Variants in NCOR2 observed in about 807,000 individuals in gnomAD.
NCOR2 encodes the protein nuclear receptor corepressor 2, also known as CTG repeat protein 26.
NCOR2 carries 81 observed loss-of-function variants against 262.9 expected under a neutral mutation model. The observed-to-expected ratio is 0.31, with a 90% CI of 0.26 to 0.37. The LOEUF is 0.37. NCOR2 is among the 10% of genes least tolerant of loss of function. The probability of loss-of-function intolerance (pLI) is 1.00; values close to 1 mark genes in which losing one functional copy is unlikely to be tolerated. For synonymous variants in NCOR2, 1,659 were observed against 1,559.3 expected (o/e 1.06, Z -1.51); for missense variants, 3,385 against 3,621.4 (o/e 0.93, Z 1.68).
intron 1 of NCOR2, among the ~76,000 whole-genome samples, chr12:124,554,309 C>A (rs1269705772): frequency 6.6e-6 from 1 of 152,180 alleles, no homozygotes; most frequent in Non-Finnish European, 1.5e-5. Flanking sequence ...TCCAAGGCTC[C>A]GTGCCCTCCC....
chr12:124,379,550 G>T (rs956439567), intron 17 of NCOR2, among the ~76,000 whole-genome samples: 3 of 152,192 alleles, frequency 2.0e-5, no homozygotes, highest in African/African-American at 7.2e-5. Flanking sequence ...GACACTGGGG[G>T]GTGCCCACCA....
At chr12:124,348,031 C>T (rs1044209700) in intron 29 of NCOR2, 120 bp from the exon 32 acceptor site, 129 of 1,457,168 alleles carry the variant, frequency 8.9e-5, no homozygotes, top group Non-Finnish European at 1.2e-4. Context: ...GAGTAGGACC[C>T]AGCACGGGAA....
rs1204258133 is a variant in NCOR2 at position 124,433,845 on chromosome 12, T to TACAC, written c.883-3062_883-3059dup. 2.1e-3 allele frequency among the ~76,000 whole-genome samples: 39 copies of TACAC among 18,274 alleles called. 1 individual carries two copies. The highest frequency in any genetic ancestry group is 3.2e-3 in the African/African-American group (35 of 10,836). The allele number at this position is 18,274 out of a possible 152,430, so 12.0% of individuals were successfully genotyped here. ...CTTCCCTCCCTCCCTCTCTCTGTCT[T>TACAC]ACACACACACACACACACACACACA... On this transcript the variant is annotated intron_variant, in intron 8 of 46. Transcript: ENST00000405201.
At chr12:124,453,941 G>A (rs1315889002) in intron 6 of NCOR2, among the ~76,000 whole-genome samples, 1 of 152,238 alleles carries the variant, frequency 6.6e-6, no homozygotes, top group African/African-American at 2.4e-5. Flanking sequence ...CTGCCGAGGG[G>A]AGGGGCGTTG....
intron 8 of NCOR2, among the ~76,000 whole-genome samples, chr12:124,433,711 C>T (rs1365909854): frequency 1.3e-5 from 2 of 152,086 alleles, no homozygotes; most frequent in Admixed American, 6.5e-5. Flanking sequence ...CCTCGGACAG[C>T]GCAGGGCGGG....
rs771373344 is a variant in NCOR2, at chr12:124,332,269, C to G, written c.6904+50G>C. ...CGGCTCCAGCTGCCCAGGCAGGCCA[C>G]CCGCCCACCTGTGGCCCCATGCTTC... On this transcript the variant is annotated intron_variant, in intron 43 of 46. Transcript: ENST00000405201. 4 of 1,606,078 alleles carry G rather than the reference C, an allele frequency of 2.5e-6. No individual in the cohort carries two copies. The South Asian group carries it at 4.4e-5, about 18-fold the overall frequency.
At chr12:124,459,727 G>A (rs989244259) in intron 5 of NCOR2, among the ~76,000 whole-genome samples, 2 of 152,136 alleles carry the variant, frequency 1.3e-5, no homozygotes, top group African/African-American at 4.8e-5. Context: ...GGCATGGCTG[G>A]GGAACGTGGA....
At chr12:124,505,146 G>T (rs1002040495) in intron 1 of NCOR2, among the ~76,000 whole-genome samples, 2 of 151,990 alleles carry the variant, frequency 1.3e-5, no homozygotes, top group African/African-American at 4.8e-5. Flanking sequence ...TATTTGCCAC[G>T]TCCCCTCCTA....
intron 45 of NCOR2, 82 bp downstream of exon 47, chr12:124,327,327 T>G: frequency 9.1e-7 from 1 of 1,102,264 alleles, no homozygotes; most frequent in Non-Finnish European, 1.3e-6. Context: ...AGGAGGGGGT[T>G]GTCAGAGGAG....
At chr12:124,364,385 T>C (rs1475410142) in intron 20 of NCOR2, among the ~76,000 whole-genome samples, 2 of 152,152 alleles carry the variant, frequency 1.3e-5, no homozygotes, top group Non-Finnish European at 2.9e-5. Context: ...GTGGGGGAGC[T>C]GCACCCACTT....
chr12:124,334,553 G>C (rs1371937906), exon 41 of NCOR2: 1 of 1,416,654 alleles, frequency 7.1e-7, no homozygotes, highest in South Asian at 1.6e-5. Context: ...GGAGTAGAGG[G>C]GGGCGGGCAG....
At chr12:124,479,330 GCACACAAA>G (rs2047282687) in intron 3 of NCOR2, among the ~76,000 whole-genome samples, 1 of 150,146 alleles carries the variant, frequency 6.7e-6, no homozygotes, top group Non-Finnish European at 1.5e-5. Flanking sequence ...ACACACGTGC[GCACACAAA>G]CACACATACA....
intron 38 of NCOR2, chr12:124,335,906 G>T: frequency 2.1e-6 from 1 of 466,150 alleles, no homozygotes; most frequent in South Asian, 3.8e-5. Context: ...GGACAGAGAT[G>T]GGTTCAGGTG....
intron 1 of NCOR2, among the ~76,000 whole-genome samples, chr12:124,488,291 A>G (rs1358715785): frequency 6.6e-6 from 1 of 152,196 alleles, no homozygotes; most frequent in Admixed American, 6.5e-5. Context: ...GGACCCTGGC[A>G]GCCTCAGAAG....
chr12:124,450,442 G>A (rs994639767), intron 6 of NCOR2, among the ~76,000 whole-genome samples: 1 of 152,142 alleles, frequency 6.6e-6, no homozygotes, highest in African/African-American at 2.4e-5. Flanking sequence ...CGACGCCCCC[G>A]CTTCCGACCC....
rs139106874 is a variant in NCOR2 at position 124,492,082 on chromosome 12, G to A, written c.105+3065C>T. On this transcript the variant is annotated intron_variant, in intron 1 of 46. Coordinates refer to ENST00000405201, the Ensembl canonical transcript of NCOR2. ...GCTGGGAATCACTCACCAGCAGCCC[G>A]CAGATGACGCCAGGGCAGAGCACAG... is the stretch of plus-strand genomic sequence containing the variant. Among the ~76,000 whole-genome samples, 394 of 152,330 alleles carry A rather than the reference G, an allele frequency of 2.6e-3. 2 individuals are homozygous for A. Among genetic ancestry groups the A allele is most frequent in the African/African-American group, 8.7e-3 (360 of 41,562 alleles).
chr12:124,344,702 G>A (rs1310731588), exon 32 of NCOR2: 10 of 1,532,150 alleles, frequency 6.5e-6, no homozygotes, highest in East Asian at 2.5e-5. Flanking sequence ...GGGCTCTGCC[G>A]CGGCTTACCC....
At chr12:124,462,457 TG>T (rs1404505067) in intron 5 of NCOR2, among the ~76,000 whole-genome samples, 12 of 152,298 alleles carry the variant, frequency 7.9e-5, no homozygotes, top group African/African-American at 2.9e-4. Context: ...CAGAGCCCCA[TG>T]CCCATGAGCC....
intron 1 of NCOR2, among the ~76,000 whole-genome samples, chr12:124,563,608 G>A (rs931512727): frequency 1.4e-4 from 22 of 152,274 alleles, no homozygotes; most frequent in African/African-American, 4.8e-4. Context: ...CTCTGCCGCT[G>A]CAGCTTTCTG....
Sources: gnomAD v4.1 joint callset for allele counts (sites outside exome capture counted in the v4.1 genomes callset) on GRCh38, gnomAD v4.1.1 for gene constraint, MANE v1.5 for transcripts, NCBI Gene and HGNC (gene_info 2026-07-23, HGNC 2026-07-21) for gene names.